Variants in UBE3B observed in about 807,000 individuals in gnomAD.
The protein encoded by UBE3B is ubiquitin protein ligase E3B.
Under a neutral mutation model 132.3 loss-of-function variants are expected in UBE3B, and 80 were observed. The ratio of observed to expected loss-of-function variants is 0.60; its 90% CI spans 0.50 to 0.73. UBE3B has a LOEUF of 0.73. Ranked by LOEUF, UBE3B falls within the 30% of genes least tolerant of loss-of-function variation. UBE3B has a pLI of 0.00. For missense variants in UBE3B, 1,196 were observed against 1,362.5 expected (o/e 0.88, Z 1.92); for synonymous variants, 487 against 520.4 (o/e 0.94, Z 0.87).
At chr12:109,492,756 CAAAAT>C (rs764802635) in intron 9 of UBE3B, 9 of 148,282 alleles carry the variant, frequency 6.1e-5, no homozygotes, top group East Asian at 2.0e-4. Flanking sequence ...AAAAAAAAGT[CAAAAT>C]AAAAGGGAAA....
intron 24 of UBE3B, among the ~76,000 whole-genome samples, chr12:109,529,042 T>A (rs1882679534): frequency 6.6e-6 from 1 of 151,930 alleles, no homozygotes. Context: ...ATGCCTGTAG[T>A]CCCAGCTACT....
intron 8 of UBE3B, chr12:109,490,361 C>T: frequency 6.8e-7 from 1 of 1,473,898 alleles, no homozygotes; most frequent in South Asian, 1.4e-5. Context: ...CAGCCCTTTC[C>T]ACTTTGTACC....
intron 9 of UBE3B, chr12:109,492,714 G>A (rs1008356258): frequency 6.8e-6 from 1 of 147,838 alleles, no homozygotes; most frequent in African/African-American, 2.5e-5. Flanking sequence ...CTCCAGCCTG[G>A]ATGACAGAGT....
chr12:109,528,209 G>A (rs899835916), intron 24 of UBE3B: 121 of 446,364 alleles, frequency 2.7e-4, no homozygotes, highest in African/African-American at 2.4e-3. Context: ...CTCTTTAGGG[G>A]TGATACTTGA....
At chr12:109,501,342 C>T (rs746100402) in intron 12 of UBE3B, 29 bp from the exon 13 acceptor site, 2 of 1,612,556 alleles carry the variant, frequency 1.2e-6, no homozygotes, top group Non-Finnish European at 1.7e-6. Context: ...ATGGAACTGA[C>T]AGACCAGGTC....
intron 26 of UBE3B, among the ~76,000 whole-genome samples, chr12:109,532,410 C>T (rs796710490): frequency 2.0e-5 from 3 of 152,140 alleles, no homozygotes; most frequent in African/African-American, 4.8e-5. Flanking sequence ...TTTTGATGCC[C>T]GACACACATA....
At position 109,530,090 on chromosome 12, in the gene UBE3B, G is replaced by A. The variant is rs1393871220; in HGVS notation, c.2810+18G>A. 1 of 1,611,522 alleles carries A rather than the reference G, an allele frequency of 6.2e-7. No individual in the cohort carries two copies. Among genetic ancestry groups the A allele is most frequent in the Admixed American group, 1.7e-5 (1 of 59,980 alleles). ...GATTTAAAGTAAGAGGCGGGTGGGG[G>A]GAAGGGTGAAATTCCTTGGCCTCCC... is the stretch of plus-strand genomic sequence containing the variant. On this transcript the variant is annotated intron_variant, in intron 25 of 27. Coordinates refer to ENST00000342494, the MANE Select transcript of UBE3B (RefSeq NM_130466.4).
intron 5 of UBE3B, 34 bp downstream of exon 5, chr12:109,486,105 G>A: frequency 6.4e-7 from 1 of 1,552,224 alleles, no homozygotes; most frequent in East Asian, 2.4e-5. Flanking sequence ...TCTCCCACAA[G>A]CTCTTAAGGG....
At chr12:109,538,606 A>G (rs1362728124), downstream of UBE3B, among the ~76,000 whole-genome samples, 3 of 152,080 alleles carry the variant, frequency 2.0e-5, no homozygotes, top group Non-Finnish European at 2.9e-5. This position sits in a 1 kb window ranked among gnomAD's most constrained non-coding sequence, Gnocchi z 4.1. Flanking sequence ...ACATTTCCTC[A>G]CCTTTCACTT....
intron 2 of UBE3B, among the ~76,000 whole-genome samples, chr12:109,482,227 T>C (rs1274629452): frequency 6.6e-6 from 1 of 152,224 alleles, no homozygotes; most frequent in Non-Finnish European, 1.5e-5. Flanking sequence ...AGGTTTCTTA[T>C]ATGCATATAT....
intron 19 of UBE3B, among the ~76,000 whole-genome samples, chr12:109,517,499 G>T (rs1190325134): frequency 6.6e-6 from 1 of 152,164 alleles, no homozygotes; most frequent in Non-Finnish European, 1.5e-5. Flanking sequence ...CATTGGTTTT[G>T]TTGGTACAAG....
downstream of UBE3B, among the ~76,000 whole-genome samples, chr12:109,539,619 TGCCATCTATGA>T (rs1356876027): frequency 6.6e-6 from 1 of 152,242 alleles, no homozygotes; most frequent in Non-Finnish European, 1.5e-5. Context: ...CCCCAGTCTG[TGCCATCTATGA>T]GCCATCAATG....
In UBE3B at chr12:109,503,004, C is replaced by T; in HGVS notation, c.1283-19C>T. ...GCTGGCTGAGCTGCTGCTCACATGT[C>T]TTCTTTTCTCCATGCCAGGTCTCCT... On this transcript the variant is annotated intron_variant, in intron 13 of 27. Coordinates refer to ENST00000342494, the MANE Select transcript of UBE3B (RefSeq NM_130466.4). 6.2e-7 allele frequency: 1 copy of T among 1,614,064 alleles called. No individual in the cohort carries two copies. Among genetic ancestry groups the T allele is most frequent in the Non-Finnish European group, 8.5e-7 (1 of 1,179,986 alleles).
intron 7 of UBE3B, 90 bp from the exon 8 acceptor site, chr12:109,489,829 C>A: frequency 8.2e-7 from 1 of 1,223,004 alleles, no homozygotes; most frequent in Non-Finnish European, 1.2e-6. Flanking sequence ...TTTCTTAGGG[C>A]CTCGGATGTG....
intron 8 of UBE3B, chr12:109,490,502 C>G: frequency 6.5e-7 from 1 of 1,535,922 alleles, no homozygotes. Flanking sequence ...CTGTGATGGG[C>G]TGTTTCCTGA....
chr12:109,546,880 T>C, the UBE3B span, among the ~76,000 whole-genome samples: 2 of 152,094 alleles, frequency 1.3e-5, no homozygotes, highest in Admixed American at 1.3e-4. Flanking sequence ...TGGCTAATTT[T>C]TGTATTTTTT....
the UBE3B span, among the ~76,000 whole-genome samples, chr12:109,543,762 G>A: frequency 6.6e-6 from 1 of 152,100 alleles, no homozygotes; most frequent in Non-Finnish European, 1.5e-5. Context: ...GAACCCGGGC[G>A]GCAGAAGGTT....
intron 18 of UBE3B, among the ~76,000 whole-genome samples, chr12:109,513,799 C>G (rs1007258991): frequency 1.1e-4 from 17 of 152,158 alleles, no homozygotes; most frequent in Non-Finnish European, 2.2e-4. Flanking sequence ...TCTCCTGCCC[C>G]TTCCTGCTCC....
At chr12:109,490,576 C>G (rs929614264) in intron 8 of UBE3B, 1 of 1,536,048 alleles carries the variant, frequency 6.5e-7, no homozygotes, top group Non-Finnish European at 8.7e-7. Context: ...GCTGGTATGA[C>G]TGGCAGTTGT....
Sources: gnomAD v4.1 joint callset for allele counts (sites outside exome capture counted in the v4.1 genomes callset) on GRCh38, gnomAD v4.1.1 for gene constraint, Gnocchi (gnomAD v3.1) non-coding constraint, MANE v1.5 for transcripts, NCBI Gene and HGNC (gene_info 2026-07-23, HGNC 2026-07-21) for gene names.